The following PDCD7 variants were observed in gnomAD, a reference collection of about 807,000 sequenced individuals.
PDCD7 encodes programmed cell death protein 7.
A neutral mutation model predicts 42.1 loss-of-function variants in PDCD7; 40 were observed. The observed-to-expected ratio is 0.95, with a 90% CI of 0.74 to 1.24. The LOEUF (loss-of-function observed/expected upper bound fraction) is 1.24. PDCD7 is among the 50% of genes most tolerant of loss of function. PDCD7 has a pLI of 0.00. For synonymous variants in PDCD7, 299 were observed against 303.3 expected (o/e 0.99, Z 0.15); for missense variants, 644 against 662.8 (o/e 0.97, Z 0.31).
At chr15:65,128,655 G>A (rs1400275137) in intron 2 of PDCD7, among the ~76,000 whole-genome samples, 1 of 152,196 alleles carries the variant, frequency 6.6e-6, no homozygotes, top group Non-Finnish European at 1.5e-5. Flanking sequence ...AGCATGCCAA[G>A]TTTTCAACAC....
At chr15:65,132,627 T>C (rs1353824004) in intron 1 of PDCD7, among the ~76,000 whole-genome samples, 5 of 152,178 alleles carry the variant, frequency 3.3e-5, no homozygotes, top group African/African-American at 1.2e-4. Context: ...TGAGAGTAAG[T>C]GGACAATGTT....
chr15:65,131,604 TG>T (rs2087540440), intron 1 of PDCD7, among the ~76,000 whole-genome samples: 2 of 151,840 alleles, frequency 1.3e-5, no homozygotes, highest in Admixed American at 1.3e-4. Flanking sequence ...CAAAATTAGC[TG>T]GGGTGTAGTG....
chr15:65,129,536 T>A (rs979634107), intron 1 of PDCD7, among the ~76,000 whole-genome samples: 1 of 152,184 alleles, frequency 6.6e-6, no homozygotes, highest in African/African-American at 2.4e-5. Context: ...AGATTCAGAT[T>A]CCCAGGAAGG....
At chr15:65,130,259 G>C (rs1425968707) in intron 1 of PDCD7, among the ~76,000 whole-genome samples, 6 of 147,584 alleles carry the variant, frequency 4.1e-5, no homozygotes, top group Non-Finnish European at 8.9e-5. Context: ...CTGGGTTCAA[G>C]CGATTCCCTG....
intron 2 of PDCD7, among the ~76,000 whole-genome samples, chr15:65,120,536 G>A (rs958491551): frequency 8.6e-5 from 13 of 151,994 alleles, no homozygotes; most frequent in African/African-American, 2.7e-4. Flanking sequence ...GTGAAACCCC[G>A]TCTCTACTAA....
chr15:65,130,569 G>T (rs546615221), intron 1 of PDCD7, among the ~76,000 whole-genome samples: 3 of 152,300 alleles, frequency 2.0e-5, no homozygotes, highest in East Asian at 1.9e-4. Context: ...ATAAGTGCCT[G>T]TAATTCCACC....
At chr15:65,123,146 A>C (rs1202579914) in intron 2 of PDCD7, among the ~76,000 whole-genome samples, 1 of 152,258 alleles carries the variant, frequency 6.6e-6, no homozygotes, top group African/African-American at 2.4e-5. Context: ...GAAGGTAATT[A>C]ATAGATACTT....
Position 65,118,756 on chromosome 15 carries a change from G to A in PDCD7, c.1419C>T (p.Pro473=), listed in dbSNP as rs140813250. ...CAGCAGTTGCCCAGATGTCGTTGCT[G>A]GGGAGCGGGGGAAGGACCCATCCTT... ...VPQGWVLPPL[P]SNDIWATAVK... is the part of the protein sequence containing the mutation. Residue 473 remains proline, a synonymous_variant, in exon 5 of 5, where the codon CCC becomes CCT. Coordinates refer to ENST00000204549, the MANE Select transcript of PDCD7 (RefSeq NM_005707.2). 321 of 1,609,406 alleles carry A rather than the reference G, an allele frequency of 2.0e-4. No individual in the cohort carries two copies. Among genetic ancestry groups the A allele is most frequent in the Non-Finnish European group, 2.6e-4 (302 of 1,178,206 alleles).
intron 2 of PDCD7, among the ~76,000 whole-genome samples, chr15:65,126,317 T>C (rs1305863056): frequency 6.6e-6 from 1 of 152,136 alleles, no homozygotes; most frequent in African/African-American, 2.4e-5. Context: ...TGCTGTACAA[T>C]CTCCTTAAGG....
intron 2 of PDCD7, among the ~76,000 whole-genome samples, chr15:65,127,089 T>TTC (rs989454623): frequency 1.3e-5 from 2 of 152,064 alleles, no homozygotes; most frequent in South Asian, 2.1e-4. Context: ...CTCTCTGCCC[T>TTC]TCTCTCTCTC....
intron 2 of PDCD7, among the ~76,000 whole-genome samples, chr15:65,127,501 A>G (rs910947320): frequency 6.6e-5 from 10 of 150,828 alleles, no homozygotes; most frequent in African/African-American, 2.4e-4. Flanking sequence ...GCGGTTCCCC[A>G]AAGCTTTAAG....
intron 2 of PDCD7, among the ~76,000 whole-genome samples, chr15:65,120,464 T>C (rs1405200471): frequency 6.6e-6 from 1 of 152,124 alleles, no homozygotes; most frequent in Non-Finnish European, 1.5e-5. Flanking sequence ...ACCTACTAAT[T>C]TGTAAATTTT....
Position 65,122,978 on chromosome 15 carries a change from G to T in PDCD7, c.1010-3024C>A, listed in dbSNP as rs56695536. Among the ~76,000 whole-genome samples the T allele has an allele frequency of 6.2e-3, 946 of 151,630 alleles. 6 individuals carry two copies. The highest frequency in any genetic ancestry group is 0.021 in the African/African-American group (882 of 41,310). ...GATCGCACCACGGCACTCCAGCCTG[G>T]GCAACAAGAGTGAAACTCTGTCTCA... On this transcript the variant is annotated intron_variant, in intron 2 of 4. Transcript: ENST00000204549.
intron 2 of PDCD7, among the ~76,000 whole-genome samples, chr15:65,120,182 C>G (rs2087442051): frequency 6.6e-6 from 1 of 151,952 alleles, no homozygotes; most frequent in Non-Finnish European, 1.5e-5. Context: ...CAGATAGGGT[C>G]TCACTCTGTT....
At chr15:65,128,390 C>T (rs1226084763) in intron 2 of PDCD7, among the ~76,000 whole-genome samples, 1 of 152,182 alleles carries the variant, frequency 6.6e-6, no homozygotes, top group African/African-American at 2.4e-5. Flanking sequence ...AACAGAATGA[C>T]AACAGCTAAG....
intron 2 of PDCD7, among the ~76,000 whole-genome samples, chr15:65,128,510 T>G (rs941464489): frequency 1.3e-5 from 2 of 152,168 alleles, no homozygotes; most frequent in Non-Finnish European, 2.9e-5. Flanking sequence ...TGTCTGGTGC[T>G]TCCTCCAGAG....
At chr15:65,131,705 T>C (rs1049149281) in intron 1 of PDCD7, among the ~76,000 whole-genome samples, 2 of 152,028 alleles carry the variant, frequency 1.3e-5, no homozygotes, top group Non-Finnish European at 2.9e-5. Flanking sequence ...ACCAAGATCA[T>C]GCCATTGCAC....
chr15:65,128,092 A>C (rs2087510663), intron 2 of PDCD7, among the ~76,000 whole-genome samples: 1 of 152,242 alleles, frequency 6.6e-6, no homozygotes, highest in South Asian at 2.1e-4. Context: ...AACTTTCTTA[A>C]GGGTCTAAAA....
At position 65,133,180 on chromosome 15, in the gene PDCD7, T is replaced by C. The variant is rs1451381070; in HGVS notation, c.602A>G (p.Asp201Gly). ...LSQALREAEA[D>G]GAAWVLLYSQ... ...GTACAGCAGGACCCAGGCCGCGCCG[T>C]CGGCTTCGGCCTCGCGCAGGGCCTG... The change falls in exon 1 of 5, where the codon GAC becomes GGC. Residue 201 changes from aspartate (D) to glycine (G), a missense_variant. Coordinates refer to ENST00000204549, the MANE Select transcript of PDCD7 (RefSeq NM_005707.2). 1 of 1,451,814 alleles carries C rather than the reference T, an allele frequency of 6.9e-7. No individual in the cohort carries two copies. The allele number at this position is 1,451,814 out of a possible 1,614,324, so 89.9% of individuals were successfully genotyped here. A position where few individuals can be genotyped will look rare whatever the true frequency, so the allele number is the denominator to read the frequency against.
Sources: allele counts gnomAD v4.1 joint callset (sites outside exome capture counted in the v4.1 genomes callset), GRCh38; gene constraint gnomAD v4.1.1; transcripts MANE v1.5; gene names NCBI Gene and HGNC (gene_info 2026-07-23, HGNC 2026-07-21).